NBEA: variants seen among roughly 807,000 people sequenced by gnomAD.
The protein encoded by NBEA is lysosomal-trafficking regulator 2.
A neutral mutation model predicts 343.4 loss-of-function variants in NBEA; 44 were observed. The observed-to-expected ratio is 0.13, with a 90% CI of 0.10 to 0.16. NBEA has a LOEUF of 0.16. Ranked by LOEUF, NBEA falls within the 10% of genes least tolerant of loss-of-function variation. The probability of loss-of-function intolerance (pLI) is 1.00; values close to 1 mark genes in which losing one functional copy is unlikely to be tolerated. For synonymous variants in NBEA, 1,175 were observed against 1,238.7 expected (o/e 0.95, Z 1.08); for missense variants, 2,555 against 3,631.3 (o/e 0.70, Z 7.62).
chr13:35,362,349 T>G (rs1027126585), intron 38 of NBEA, among the ~76,000 whole-genome samples: 1 of 151,976 alleles, frequency 6.6e-6, no homozygotes, highest in African/African-American at 2.4e-5. Context: ...TATATGTGTG[T>G]GTATGTGTAT....
At chr13:35,421,129 T>A (rs946373968) in intron 38 of NBEA, among the ~76,000 whole-genome samples, 4 of 152,032 alleles carry the variant, frequency 2.6e-5, no homozygotes, top group Non-Finnish European at 5.9e-5. Context: ...GTACTATAGA[T>A]TACCCTCTCA....
intron 41 of NBEA, among the ~76,000 whole-genome samples, chr13:35,482,759 C>A (rs1489382081): frequency 4.6e-5 from 7 of 151,564 alleles, no homozygotes; most frequent in African/African-American, 1.7e-4. Context: ...ACTTTGCATA[C>A]AGTAGTATTC....
rs2073498851 is a variant in NBEA, at chr13:35,207,869, A to C, written c.5367-831A>C. Among the ~76,000 whole-genome samples the C allele has an allele frequency of 2.0e-5, 3 of 152,126 alleles. No homozygotes were observed. The South Asian group carries it at 6.2e-4, about 31-fold the overall frequency. On this transcript the variant is annotated intron_variant, in intron 31 of 58. Transcript: ENST00000379939. Reference sequence around the variant, plus strand: ...AGCATAACTTTATTGTGCTCTTAGAAGTTTATTTATTATTCCTTGGTTTAA... The same window carrying C: ...AGCATAACTTTATTGTGCTCTTAGACGTTTATTTATTATTCCTTGGTTTAA...
At chr13:35,088,248 A>G (rs1177257631) in intron 10 of NBEA, among the ~76,000 whole-genome samples, 1 of 151,950 alleles carries the variant, frequency 6.6e-6, no homozygotes, top group East Asian at 1.9e-4. Context: ...CCCTTAATGT[A>G]CCCTAAATAA....
chr13:35,222,314 A>G lies in NBEA; in HGVS notation c.5649-10178A>G, dbSNP rs370519321. 6.6e-5 allele frequency among the ~76,000 whole-genome samples: 10 copies of G among 151,950 alleles called. 1 individual carries two copies. In the East Asian group the frequency reaches 1.7e-3, roughly 26 times the overall value. Reference sequence around the variant, plus strand: ...ATTTTAGTGAAGGGTTTTGATGGTAATTTTTTCCTTTCTTTAAACTTGTCT... The same window carrying G: ...ATTTTAGTGAAGGGTTTTGATGGTAGTTTTTTCCTTTCTTTAAACTTGTCT... On this transcript the variant is annotated intron_variant, in intron 33 of 58. Transcript: ENST00000379939.
intron 10 of NBEA, among the ~76,000 whole-genome samples, chr13:35,084,471 C>T (rs977054738): frequency 6.6e-5 from 10 of 152,270 alleles, no homozygotes; most frequent in African/African-American, 1.2e-4. Context: ...ACAACCTGCT[C>T]CTGAATGACT....
At chr13:35,021,528 T>G (rs541252907) in intron 1 of NBEA, among the ~76,000 whole-genome samples, 1 of 152,336 alleles carries the variant, frequency 6.6e-6, no homozygotes, top group Admixed American at 6.5e-5. Context: ...TACATCTGTT[T>G]TTCTTTCTCC....
chr13:35,304,280 AT>A (rs1470495010), intron 35 of NBEA, among the ~76,000 whole-genome samples: 1 of 152,090 alleles, frequency 6.6e-6, no homozygotes, highest in East Asian at 1.9e-4. Context: ...ACAGTATTAT[AT>A]TGTCATTGAA....
chr13:35,596,926 G>A (rs2081831610), intron 47 of NBEA, among the ~76,000 whole-genome samples: 1 of 151,760 alleles, frequency 6.6e-6, no homozygotes, highest in South Asian at 2.1e-4. Flanking sequence ...GAAAAGAGAT[G>A]GCAGCTTTAA....
chr13:35,511,726 G>T (rs1176055276), intron 41 of NBEA, among the ~76,000 whole-genome samples: 2 of 152,082 alleles, frequency 1.3e-5, no homozygotes, highest in South Asian at 2.1e-4. Context: ...ACTCTTCAAA[G>T]AAGTTATATA....
At chr13:35,081,406 C>T (rs941795579) in intron 10 of NBEA, among the ~76,000 whole-genome samples, 1 of 151,910 alleles carries the variant, frequency 6.6e-6, no homozygotes, top group African/African-American at 2.4e-5. Context: ...TATATGACAG[C>T]TTTTGTGAAT....
chr13:35,652,782 C>T (rs1423323224), intron 53 of NBEA, among the ~76,000 whole-genome samples: 1 of 146,228 alleles, frequency 6.8e-6, no homozygotes, highest in Non-Finnish European at 1.5e-5. Context: ...GCAACCTCCG[C>T]CTCCCGGGTT....
chr13:35,582,505 A>T (rs13328996), intron 45 of NBEA, among the ~76,000 whole-genome samples: 2,639 of 152,214 alleles, frequency 0.017, 69 homozygotes, highest in African/African-American at 0.059. Context: ...TAACACAATA[A>T]AATTTAAACC....
intron 38 of NBEA, among the ~76,000 whole-genome samples, chr13:35,424,394 C>T (rs533429403): frequency 6.6e-6 from 1 of 152,272 alleles, no homozygotes; most frequent in East Asian, 1.9e-4. Context: ...TTTTCTTCAT[C>T]TATTGAGATA....
intron 40 of NBEA, among the ~76,000 whole-genome samples, chr13:35,453,316 C>A (rs989127734): frequency 2.2e-4 from 33 of 152,218 alleles, no homozygotes; most frequent in Non-Finnish European, 7.4e-5. Flanking sequence ...CTAGATATTT[C>A]TATATTATTC....
chr13:35,519,335 T>C (rs2077605047), intron 41 of NBEA, among the ~76,000 whole-genome samples: 1 of 152,194 alleles, frequency 6.6e-6, no homozygotes, highest in Admixed American at 6.5e-5. Context: ...CTTTATTCAA[T>C]TTCTTGCATC....
chr13:35,352,342 G>A lies in NBEA; in HGVS notation c.6179+19G>A, dbSNP rs765630629. The A allele has an allele frequency of 1.0e-5, 14 of 1,356,944 alleles. No individual in the cohort carries two copies. The South Asian group carries it at 1.2e-4, about 12-fold the overall frequency. The allele number at this position is 1,356,944 out of a possible 1,614,324, so 84.1% of individuals were successfully genotyped here. ...CTCATAGGTGAGTTATAATAAATTC[G>A]AGTAAATAATAATTCATAGGTTAAT... is the stretch of plus-strand genomic sequence containing the variant. On this transcript the variant is annotated intron_variant, in intron 38 of 58. Transcript: ENST00000379939.
chr13:35,409,677 T>A (rs1488457014), intron 38 of NBEA, among the ~76,000 whole-genome samples: 1 of 152,070 alleles, frequency 6.6e-6, no homozygotes, highest in Non-Finnish European at 1.5e-5. Context: ...ATAAGTAAAT[T>A]TGGAGTAAAA....
chr13:35,088,190 G>A (rs1484203041), intron 10 of NBEA, among the ~76,000 whole-genome samples: 1 of 151,858 alleles, frequency 6.6e-6, no homozygotes, highest in African/African-American at 2.4e-5. Context: ...ATGAGATTAA[G>A]GGGAGAACTT....
Sources: allele counts gnomAD v4.1 joint callset (sites outside exome capture counted in the v4.1 genomes callset), GRCh38; gene constraint gnomAD v4.1.1; transcripts MANE v1.5; gene names NCBI Gene and HGNC (gene_info 2026-07-23, HGNC 2026-07-21).